Variants in TRIM9 observed in about 807,000 individuals in gnomAD.
The protein encoded by TRIM9 is tripartite motif containing 9.
A neutral mutation model predicts 78.3 loss-of-function variants in TRIM9; 26 were observed. The observed-to-expected ratio is 0.33, with a 90% CI of 0.24 to 0.46. TRIM9 has a LOEUF of 0.46. Among genes scored for constraint, TRIM9 ranks in the 20% least tolerant of loss-of-function variants. The probability of loss-of-function intolerance (pLI) is 1.00; values close to 1 mark genes in which losing one functional copy is unlikely to be tolerated. For synonymous variants in TRIM9, 398 were observed against 416.5 expected (o/e 0.96, Z 0.54); for missense variants, 787 against 1,036.4 (o/e 0.76, Z 3.30).
intron 8 of TRIM9, among the ~76,000 whole-genome samples, chr14:50,985,255 C>T (rs2052537618): frequency 1.3e-5 from 2 of 152,146 alleles, no homozygotes; most frequent in South Asian, 4.1e-4. Flanking sequence ...TCGAGGAGTC[C>T]AGACTTTTTG....
chr14:51,016,306 G>A (rs769723208), intron 3 of TRIM9, among the ~76,000 whole-genome samples: 8 of 152,064 alleles, frequency 5.3e-5, no homozygotes, highest in South Asian at 2.1e-4. Flanking sequence ...GGTGAGCGGC[G>A]GCCACCTCCT....
chr14:51,051,570 T>C (rs4901074), intron 1 of TRIM9, among the ~76,000 whole-genome samples: 151,861 of 152,338 alleles, frequency 1, 75,697 homozygotes, highest in East Asian at 1. Flanking sequence ...ATATAGCTTG[T>C]TATTGTGGGT....
At chr14:51,046,906 C>T (rs1293117062) in intron 1 of TRIM9, among the ~76,000 whole-genome samples, 2 of 152,114 alleles carry the variant, frequency 1.3e-5, no homozygotes, top group African/African-American at 4.8e-5. Context: ...ACCGTTGGCT[C>T]TTATTATATG....
At chr14:50,982,235 C>T in intron 10 of TRIM9, 132 bp from the exon 11 acceptor site, 4 of 1,038,354 alleles carry the variant, frequency 3.9e-6, no homozygotes, top group Non-Finnish European at 5.6e-6. Flanking sequence ...GCGTCCAGGG[C>T]CAGGGCAGAC....
chr14:51,034,700 GATTA>G (rs2058995958), intron 1 of TRIM9, among the ~76,000 whole-genome samples: 1 of 152,152 alleles, frequency 6.6e-6, no homozygotes, highest in Non-Finnish European at 1.5e-5. Flanking sequence ...TAAAATAGGA[GATTA>G]ATTAAATAAA....
At chr14:51,072,812 T>G (rs932970515) in intron 1 of TRIM9, among the ~76,000 whole-genome samples, 1 of 152,174 alleles carries the variant, frequency 6.6e-6, no homozygotes, top group Non-Finnish European at 1.5e-5. Flanking sequence ...AGCTCTGAAA[T>G]ATGCACAATA....
At chr14:50,999,532 T>C (rs1190606045) in intron 6 of TRIM9, among the ~76,000 whole-genome samples, 1 of 152,190 alleles carries the variant, frequency 6.6e-6, no homozygotes, top group Non-Finnish European at 1.5e-5. Flanking sequence ...AGGAGAATTG[T>C]AGAAGACAAG....
intron 1 of TRIM9, among the ~76,000 whole-genome samples, chr14:51,069,073 A>G (rs1566633608): frequency 6.6e-6 from 1 of 152,214 alleles, no homozygotes; most frequent in Non-Finnish European, 1.5e-5. Context: ...GGACTATGGT[A>G]AGGATTTTAA....
chr14:51,022,892 G>T lies in TRIM9; in HGVS notation c.984C>A (p.Asn328Lys), dbSNP rs780336697. The change falls in exon 3 of 13, where the codon AAC (asparagine) becomes AAA (lysine). Residue 328 changes from asparagine (N) to lysine (K), a missense_variant. Around this residue, in one of 3 missense-constraint regions of TRIM9, gnomAD observed 352 missense variants for 472.3 expected, o/e 0.75. Coordinates refer to ENST00000684578, the MANE Select transcript of TRIM9 (RefSeq NM_001387360.1). Reference protein sequence around the residue: ...AQCDALIDALNRRKAQLLARV... With the variant: ...AQCDALIDALKRRKAQLLARV... ...GGGCCAGCAGCTGGGCTTTTCTTCT[G>T]TTGAGGGCATCGATGAGGGCATCAC... is the stretch of plus-strand genomic sequence containing the variant. 6.2e-7 allele frequency: 1 copy of T among 1,614,158 alleles called. No homozygotes were observed. The highest frequency in any genetic ancestry group is 8.5e-7 in the Non-Finnish European group (1 of 1,180,024).
intron 1 of TRIM9, among the ~76,000 whole-genome samples, chr14:51,072,124 G>C (rs1030393493): frequency 5.9e-5 from 9 of 152,330 alleles, no homozygotes; most frequent in African/African-American, 1.9e-4. Flanking sequence ...GGGCTTCAGG[G>C]AAATCTGCCA....
chr14:51,049,610 G>C (rs895598314), intron 1 of TRIM9, among the ~76,000 whole-genome samples: 2 of 152,096 alleles, frequency 1.3e-5, no homozygotes, highest in African/African-American at 4.8e-5. Context: ...GGTGGATCAT[G>C]AGGTCAGGAG....
intron 1 of TRIM9, among the ~76,000 whole-genome samples, chr14:51,026,142 G>A (rs2058211954): frequency 6.6e-6 from 1 of 152,156 alleles, no homozygotes; most frequent in Non-Finnish European, 1.5e-5. Flanking sequence ...GGGACTGGAG[G>A]GGTCTGAGAA....
At position 51,000,679 on chromosome 14, in the gene TRIM9, T is replaced by C; in HGVS notation, c.1464+4A>G. 1 of 1,614,036 alleles carries C rather than the reference T, an allele frequency of 6.2e-7. No individual in the cohort carries two copies. The highest frequency in any genetic ancestry group is 2.2e-5 in the East Asian group (1 of 44,882). On this transcript the variant is annotated splice_donor_region_variant and intron_variant, in intron 6 of 12. Transcript: ENST00000684578. Reference sequence around the variant, plus strand: ...AACAAGTACGTAGTGGGCTGTCTACTGACCCGGAATTGACCACCGTTGCCA... The same window carrying C: ...AACAAGTACGTAGTGGGCTGTCTACCGACCCGGAATTGACCACCGTTGCCA...
chr14:51,055,529 G>C (rs1395959048), intron 1 of TRIM9, among the ~76,000 whole-genome samples: 1 of 152,240 alleles, frequency 6.6e-6, no homozygotes, highest in Non-Finnish European at 1.5e-5. Flanking sequence ...AAGCAGAAGA[G>C]AGTCAGGAGG....
intron 1 of TRIM9, among the ~76,000 whole-genome samples, chr14:51,037,953 G>T (rs755042689): frequency 6.6e-6 from 1 of 152,164 alleles, no homozygotes; most frequent in African/African-American, 2.4e-5. Flanking sequence ...TGAGAGTCAG[G>T]TTCAGCCAAT....
intron 1 of TRIM9, among the ~76,000 whole-genome samples, chr14:51,081,508 T>G (rs1026711053): frequency 6.6e-6 from 1 of 152,222 alleles, no homozygotes; most frequent in African/African-American, 2.4e-5. Flanking sequence ...TGTACTTCAG[T>G]GACTCCAATT....
intron 1 of TRIM9, among the ~76,000 whole-genome samples, chr14:51,057,940 T>C (rs940465891): frequency 1.3e-5 from 2 of 152,210 alleles, no homozygotes; most frequent in Non-Finnish European, 2.9e-5. Context: ...GATAGACTTT[T>C]GGGCTCTTAT....
intron 5 of TRIM9, 119 bp from the exon 6 acceptor site, chr14:51,000,959 G>T: frequency 8.4e-7 from 1 of 1,197,024 alleles, no homozygotes; most frequent in Non-Finnish European, 1.2e-6. Flanking sequence ...GGGGTGCACA[G>T]GGGAACTGAA....
At chr14:50,997,527 G>T in intron 7 of TRIM9, 1 of 986,818 alleles carries the variant, frequency 1.0e-6, no homozygotes, top group Non-Finnish European at 1.2e-6. Flanking sequence ...GGTAAGCCAG[G>T]AGCAGCCAAC....
Sources: gnomAD v4.1 joint callset for allele counts (sites outside exome capture counted in the v4.1 genomes callset) on GRCh38, gnomAD v4.1.1 for gene constraint, gnomAD v4.1.1 regional missense constraint, MANE v1.5 for transcripts, NCBI Gene and HGNC (gene_info 2026-07-23, HGNC 2026-07-21) for gene names.